Variants in RALGPS2 observed in about 807,000 individuals in gnomAD.
RALGPS2 encodes the protein ras-specific guanine nucleotide-releasing factor RalGPS2.
RALGPS2 carries 43 observed loss-of-function variants against 86.8 expected under a neutral mutation model. The observed-to-expected ratio is 0.50, with a 90% CI of 0.39 to 0.64. The LOEUF (loss-of-function observed/expected upper bound fraction) is 0.64, where lower values mean the gene tolerates loss of function less well. Among genes scored for constraint, RALGPS2 ranks in the 30% least tolerant of loss-of-function variants. The pLI, the probability that RALGPS2 is intolerant of heterozygous loss-of-function variation, is 0.00. For missense variants in RALGPS2, 536 were observed against 694.6 expected (o/e 0.77, Z 2.57); for synonymous variants, 243 against 231.3 (o/e 1.05, Z -0.46).
chr1:178,793,501 A>G (rs1300190360), intron 4 of RALGPS2, among the ~76,000 whole-genome samples: 1 of 151,420 alleles, frequency 6.6e-6, no homozygotes, highest in Non-Finnish European at 1.5e-5. Flanking sequence ...CAGCCTCCCA[A>G]AGTGCTGGGA....
At chr1:178,872,176 T>A (rs1658794516) in intron 8 of RALGPS2, among the ~76,000 whole-genome samples, 4 of 152,218 alleles carry the variant, frequency 2.6e-5, no homozygotes, top group Admixed American at 2.0e-4. Context: ...TCCTTATTGC[T>A]GTAGCTTGTG....
rs1487943649 is a variant in RALGPS2 at position 178,917,934 on chromosome 1, A to G, written c.*1575A>G. 3.9e-5 allele frequency: 6 copies of G among 152,166 alleles called. No individual in the cohort carries two copies. In the East Asian group the frequency reaches 9.6e-4, roughly 24 times the overall value. The allele number at this position is 152,166 out of a possible 1,614,324, so 9.4% of individuals were successfully genotyped here. ...CACATTCGTATTCTTAGAGAATTTTATACTTTTTTATTATAAGTATTTTGC... is the reference window on the plus strand; with the variant it reads ...CACATTCGTATTCTTAGAGAATTTTGTACTTTTTTATTATAAGTATTTTGC... On this transcript the variant is annotated 3_prime_UTR_variant, in exon 20 of 20. Transcript: ENST00000367635.
chr1:178,767,595 A>G (rs1249823758), intron 1 of RALGPS2, among the ~76,000 whole-genome samples: 1 of 151,800 alleles, frequency 6.6e-6, no homozygotes, highest in South Asian at 2.1e-4. Context: ...TCTGCTGTTC[A>G]TGTGCTCCCC....
At chr1:178,736,165 G>GTTT (rs369513866) in intron 1 of RALGPS2, among the ~76,000 whole-genome samples, 1 of 134,768 alleles carries the variant, frequency 7.4e-6, no homozygotes. Flanking sequence ...TTTGTGGGTT[G>GTTT]TTTTTTTTTT....
chr1:178,835,931 C>G (rs550054480), intron 8 of RALGPS2, among the ~76,000 whole-genome samples: 1 of 152,120 alleles, frequency 6.6e-6, no homozygotes. Context: ...TAATTTGTAT[C>G]TTCTAGAAAA....
At chr1:178,743,395 A>G (rs753283447) in intron 1 of RALGPS2, among the ~76,000 whole-genome samples, 2 of 152,192 alleles carry the variant, frequency 1.3e-5, no homozygotes, top group Non-Finnish European at 2.9e-5. Context: ...ACTAAAGATC[A>G]GTGTGGATAT....
chr1:178,752,565 A>G (rs1042783316), intron 1 of RALGPS2, among the ~76,000 whole-genome samples: 1 of 152,254 alleles, frequency 6.6e-6, no homozygotes, highest in East Asian at 1.9e-4. Flanking sequence ...AATTTAGAGT[A>G]AATTAAAGAG....
At chr1:178,763,874 GT>G (rs545742985) in intron 1 of RALGPS2, among the ~76,000 whole-genome samples, 48 of 143,692 alleles carry the variant, frequency 3.3e-4, no homozygotes, top group East Asian at 2.0e-3. Flanking sequence ...GTATGATTTT[GT>G]TTTTTTTTTT....
chr1:178,822,314 T>A (rs1204827074), intron 7 of RALGPS2, among the ~76,000 whole-genome samples: 2 of 152,086 alleles, frequency 1.3e-5, no homozygotes, highest in Non-Finnish European at 2.9e-5. Flanking sequence ...TTGTACTCAA[T>A]CTTTTCAGGT....
intron 1 of RALGPS2, among the ~76,000 whole-genome samples, chr1:178,766,850 C>T (rs75333164): frequency 0.036 from 5,510 of 152,248 alleles, 122 homozygotes; most frequent in Middle Eastern, 0.058. Context: ...TCCAAGTTGC[C>T]TGCTTTTTCT....
intron 4 of RALGPS2, among the ~76,000 whole-genome samples, chr1:178,797,841 A>T (rs775774766): frequency 2.0e-5 from 3 of 151,590 alleles, no homozygotes; most frequent in Non-Finnish European, 4.4e-5. Context: ...CCATCGCATT[A>T]CTCCTCTCCT....
At position 178,785,602 on chromosome 1, in the gene RALGPS2, C is replaced by T. The variant is rs1199118039; in HGVS notation, c.208C>T (p.Pro70Ser). The T allele has an allele frequency of 9.5e-6, 15 of 1,581,574 alleles. No homozygotes were observed. Among genetic ancestry groups the T allele is most frequent in the Non-Finnish European group, 1.3e-5 (15 of 1,165,134 alleles). The change falls in exon 4 of 20, where the codon CCA becomes TCA. Residue 70 changes from proline (P) to serine (S), a missense_variant. By Grantham distance (74) the Pro-to-Ser change is moderately conservative. Coordinates refer to ENST00000367635, the MANE Select transcript of RALGPS2 (RefSeq NM_152663.5). ...MDVPVFKAIQ[P>S]DELSSCGWNK... ...TGTTCCAGTATTTAAAGCTATTCAA[C>T]CAGATGTAAGTAGTTTTGAGAATGT...
chr1:178,871,050 T>G (rs1414025644), intron 8 of RALGPS2: 1 of 152,224 alleles, frequency 6.6e-6, no homozygotes, highest in African/African-American at 2.4e-5. Context: ...AGTAACCAGC[T>G]GCAGCTGACC....
In RALGPS2 at chr1:178,769,390, C is replaced by G. The variant is rs546584835; in HGVS notation, c.-83-7292C>G. On this transcript the variant is annotated intron_variant, in intron 1 of 19. Coordinates refer to ENST00000367635, the MANE Select transcript of RALGPS2 (RefSeq NM_152663.5). The stretch of plus-strand genomic sequence containing the variant: ...GTGCAGTAGAGAGGGCCCTACTGCA[C>G]CATAATCTATGCATAGAAAGGGTGT... Among the ~76,000 whole-genome samples the G allele has an allele frequency of 3.3e-5, 5 of 151,958 alleles. No homozygotes were observed. The South Asian group carries it at 1.0e-3, about 32-fold the overall frequency.
At chr1:178,875,209 G>A (rs940189128) in intron 8 of RALGPS2, among the ~76,000 whole-genome samples, 2 of 152,136 alleles carry the variant, frequency 1.3e-5, no homozygotes, top group Non-Finnish European at 2.9e-5. Context: ...AGGACCAAAT[G>A]GGTGCACTGG....
chr1:178,875,311 C>T (rs534625656), intron 8 of RALGPS2, among the ~76,000 whole-genome samples: 25 of 152,038 alleles, frequency 1.6e-4, no homozygotes, highest in Non-Finnish European at 3.7e-4. Flanking sequence ...AAAAATAGAA[C>T]GAAGAATAAA....
intron 7 of RALGPS2, among the ~76,000 whole-genome samples, chr1:178,828,549 T>C (rs1410043559): frequency 6.6e-6 from 1 of 152,220 alleles, no homozygotes; most frequent in Non-Finnish European, 1.5e-5. Context: ...AGCACATGAC[T>C]GTATAAGGAA....
chr1:178,911,126 T>C (rs1370294848), intron 19 of RALGPS2, among the ~76,000 whole-genome samples: 1 of 152,162 alleles, frequency 6.6e-6, no homozygotes, highest in African/African-American at 2.4e-5. Context: ...TGATTGTGAT[T>C]ATTTGGATCT....
chr1:178,782,647 A>T (rs10913623), intron 2 of RALGPS2, among the ~76,000 whole-genome samples: 4 of 150,976 alleles, frequency 2.6e-5, no homozygotes, highest in African/African-American at 9.8e-5. Flanking sequence ...CCCCCCAGCA[A>T]CCCCTCAAAT....
Sources: allele counts gnomAD v4.1 joint callset (sites outside exome capture counted in the v4.1 genomes callset), GRCh38; gene constraint gnomAD v4.1.1; transcripts MANE v1.5; gene names NCBI Gene and HGNC (gene_info 2026-07-23, HGNC 2026-07-21).